The following ZXDC variants were observed in gnomAD, a reference collection of about 807,000 sequenced individuals.
ZXDC encodes ZXD family zinc finger C.
Under a neutral mutation model 63.6 loss-of-function variants are expected in ZXDC, and 58 were observed. The ratio of observed to expected loss-of-function variants is 0.91; its 90% confidence interval spans 0.74 to 1.13. ZXDC has a LOEUF of 1.13. Ranked by LOEUF, ZXDC falls within the 50% of genes most tolerant of loss-of-function variation. ZXDC has a pLI of 0.00. For missense variants in ZXDC, 1,133 were observed against 1,148.9 expected (o/e 0.99, Z 0.20); for synonymous variants, 561 against 496.1 (o/e 1.13, Z -1.74).
At chr3:126,447,284 A>T (rs2107632884) in intron 7 of ZXDC, among the ~76,000 whole-genome samples, 1 of 152,354 alleles carries the variant, frequency 6.6e-6, no homozygotes, top group South Asian at 2.1e-4. Context: ...ACCCATTCAG[A>T]GCACACTTGT....
chr3:126,443,596 C>A (rs1010925080), intron 7 of ZXDC, among the ~76,000 whole-genome samples: 3 of 152,144 alleles, frequency 2.0e-5, no homozygotes, highest in African/African-American at 4.8e-5. Flanking sequence ...TTGCCACAAA[C>A]CTTCAATTTG....
chr3:126,471,667 T>C (rs1413222805), intron 3 of ZXDC, among the ~76,000 whole-genome samples: 1 of 151,788 alleles, frequency 6.6e-6, no homozygotes, highest in Non-Finnish European at 1.5e-5. Flanking sequence ...AACTTGTAAT[T>C]ACATGAAGAA....
chr3:126,441,510 G>C (rs1933674979), intron 8 of ZXDC: 1 of 1,268,400 alleles, frequency 7.9e-7, no homozygotes, highest in Non-Finnish European at 9.9e-7. Flanking sequence ...GCTGTGCACA[G>C]ACAGGTTCAG....
intron 9 of ZXDC, among the ~76,000 whole-genome samples, chr3:126,439,005 T>C (rs1933569133): frequency 6.6e-6 from 1 of 152,182 alleles, no homozygotes; most frequent in African/African-American, 2.4e-5. Context: ...ACTTCTGAAG[T>C]TCTCTGATCC....
intron 7 of ZXDC, chr3:126,459,258 C>T (rs1469263241): frequency 7.1e-6 from 7 of 985,290 alleles, no homozygotes; most frequent in East Asian, 1.1e-4. Context: ...TCCATGTACA[C>T]GTACCTGGGG....
intron 4 of ZXDC, among the ~76,000 whole-genome samples, chr3:126,467,555 T>C (rs1017645574): frequency 2.7e-4 from 41 of 152,196 alleles, no homozygotes; most frequent in African/African-American, 9.6e-4. Context: ...GCTATGAAGA[T>C]AGGATACGGC....
intron 4 of ZXDC, among the ~76,000 whole-genome samples, chr3:126,467,434 C>T (rs528971620): frequency 5.9e-5 from 9 of 152,296 alleles, no homozygotes; most frequent in East Asian, 3.9e-4. Context: ...AGCCTCTGCA[C>T]GGGCCTAAGC....
Position 126,451,449 on chromosome 3 carries a change from T to C in ZXDC, c.2212+8204A>G, listed in dbSNP as rs183549537. On this transcript the variant is annotated intron_variant, in intron 7 of 9. Coordinates refer to ENST00000389709, the MANE Select transcript of ZXDC (RefSeq NM_025112.5). ...CTTCACACAGATCCCTGGGATTTCC[T>C]TGAGATAAATTCAAAAAATGTAATT... The C allele has an allele frequency of 1.3e-5, 13 of 985,434 alleles. No homozygotes were observed. The East Asian group carries it at 1.0e-3, about 77-fold the overall frequency. 61.0% of individuals were successfully genotyped at this position (985,434 alleles called of 1,614,324 possible).
chr3:126,469,094 G>A lies in ZXDC; in HGVS notation c.1270+1801C>T, dbSNP rs554101495. 2.0e-5 allele frequency among the ~76,000 whole-genome samples: 3 copies of A among 152,274 alleles called. No individual in the cohort carries two copies. The South Asian group carries it at 6.2e-4, about 32-fold the overall frequency. ...TATTCACTTTACAGATAAGGAAGAG[G>A]CACAGAGAGCTTCAAGTGTTTGTCC... On this transcript the variant is annotated intron_variant, in intron 4 of 9. Transcript: ENST00000389709.
At chr3:126,440,580 C>G (rs531269705) in intron 8 of ZXDC, 49 of 986,310 alleles carry the variant, frequency 5.0e-5, no homozygotes, top group South Asian at 4.7e-4. Context: ...GGTCCTGACT[C>G]TGTACCTCTG....
intron 7 of ZXDC, chr3:126,452,604 A>G: frequency 8.2e-6 from 8 of 974,182 alleles, no homozygotes; most frequent in Non-Finnish European, 9.8e-6. Flanking sequence ...ATTTCGTAAC[A>G]TTAAATCATT....
chr3:126,453,692 A>C (rs1037880565), intron 7 of ZXDC: 8 of 984,472 alleles, frequency 8.1e-6, no homozygotes, highest in Middle Eastern at 1.0e-3. Flanking sequence ...ATTAGCTTTT[A>C]TTTTTTTTCT....
At chr3:126,474,152 T>A in intron 1 of ZXDC, among the ~76,000 whole-genome samples, 1 of 150,552 alleles carries the variant, frequency 6.6e-6, no homozygotes, top group Non-Finnish European at 1.5e-5. Flanking sequence ...GCAAGCTCCG[T>A]CTCTGGGGTT....
At position 126,461,825 on chromosome 3, in the gene ZXDC, C is replaced by G. The variant is rs750900553; in HGVS notation, c.1837G>C (p.Val613Leu). The G allele has an allele frequency of 1.2e-6, 2 of 1,614,122 alleles. No individual in the cohort carries two copies. Among genetic ancestry groups the G allele is most frequent in the Non-Finnish European group, 8.5e-7 (1 of 1,180,034 alleles). Residue 613 changes from valine (V) to leucine (L), a missense_variant, in exon 6 of 10, where the codon GTG becomes CTG. Physicochemically the swap from Val to Leu is conservative, Grantham distance 32. Coordinates refer to ENST00000389709, the MANE Select transcript of ZXDC (RefSeq NM_025112.5). ...TVSAGALGCL[V>L]ALPMKNLSDD... is the part of the protein sequence containing the mutation. ...CTCAAGTTCTTCATGGGCAGAGCCA[C>G]CAGACAGCCTAATGCTCCTGCACTC...
At chr3:126,451,620 G>A (rs1934101778) in intron 7 of ZXDC, 1 of 985,312 alleles carries the variant, frequency 1.0e-6, no homozygotes, top group South Asian at 4.7e-5. Flanking sequence ...CTGGGCTCCT[G>A]TCACCTGGGA....
intron 7 of ZXDC, chr3:126,457,793 G>C: frequency 9.2e-6 from 4 of 433,708 alleles, no homozygotes; most frequent in Non-Finnish European, 1.2e-5. Context: ...GGTCACAATG[G>C]TTGCCACCAG....
chr3:126,473,621 G>A (rs1373291358), intron 1 of ZXDC, among the ~76,000 whole-genome samples: 3 of 152,198 alleles, frequency 2.0e-5, no homozygotes, highest in Non-Finnish European at 2.9e-5. Flanking sequence ...AAAAGACTTT[G>A]AGCTAGTGGC....
At chr3:126,464,445 G>A (rs1934672963) in intron 5 of ZXDC, among the ~76,000 whole-genome samples, 2 of 152,158 alleles carry the variant, frequency 1.3e-5, no homozygotes, top group Non-Finnish European at 2.9e-5. Flanking sequence ...CACGGTAACT[G>A]GGTGTTCTCG....
At chr3:126,457,384 T>C in intron 7 of ZXDC, 1 of 985,410 alleles carries the variant, frequency 1.0e-6, no homozygotes, top group Non-Finnish European at 1.2e-6. Context: ...AAGACACCAG[T>C]GCCCTGCATG....
Sources: allele counts gnomAD v4.1 joint callset (sites outside exome capture counted in the v4.1 genomes callset), GRCh38; gene constraint gnomAD v4.1.1; transcripts MANE v1.5; gene names NCBI Gene and HGNC (gene_info 2026-07-23, HGNC 2026-07-21).